CES5A: variants seen among roughly 807,000 people sequenced by gnomAD.
CES5A encodes carboxylesterase 5.
CES5A carries 67 observed loss-of-function variants against 62.9 expected under a neutral mutation model. The ratio of observed to expected loss-of-function variants is 1.07; its 90% CI spans 0.88 to 1.31. CES5A has a LOEUF of 1.31. CES5A is among the 50% of genes most tolerant of loss of function. The probability of loss-of-function intolerance (pLI) is 0.00; values close to 1 mark genes in which losing one functional copy is unlikely to be tolerated. For synonymous variants in CES5A, 296 were observed against 280.8 expected (o/e 1.05, Z -0.54); for missense variants, 748 against 708.5 (o/e 1.06, Z -0.63).
chr16:55,926,317 A>G (rs888755064), upstream of CES5A, among the ~76,000 whole-genome samples: 8 of 152,230 alleles, frequency 5.3e-5, no homozygotes, highest in Admixed American at 5.2e-4. Context: ...TCAACCAATA[A>G]CTATGAAGGG....
intron 2 of CES5A, among the ~76,000 whole-genome samples, chr16:55,938,018 A>G (rs1205155118): frequency 1.3e-5 from 2 of 152,036 alleles, no homozygotes; most frequent in South Asian, 2.1e-4. Flanking sequence ...TTTAAAAATC[A>G]TCTTTTTTTC....
At chr16:55,886,199 T>C (rs1310359106) in intron 1 of CES5A, among the ~76,000 whole-genome samples, 1 of 152,168 alleles carries the variant, frequency 6.6e-6, no homozygotes, top group Non-Finnish European at 1.5e-5. Context: ...GTGTCCAATT[T>C]TAAGCAATAT....
chr16:55,866,676 A>AAAAAAAAAAAAAAAAAAAAAG (rs2033470488), intron 4 of CES5A, among the ~76,000 whole-genome samples: 1 of 138,542 alleles, frequency 7.2e-6, no homozygotes, highest in Non-Finnish European at 1.6e-5. Context: ...AAAAAAAAAA[A>AAAAAAAAAAAAAAAAAAAAAG]AATACAAAAA....
At chr16:55,862,404 T>C (rs1397891679) in intron 6 of CES5A, among the ~76,000 whole-genome samples, 1 of 152,174 alleles carries the variant, frequency 6.6e-6, no homozygotes, top group Non-Finnish European at 1.5e-5. Context: ...ATCCTATCCA[T>C]GGATAGGTGA....
intron 10 of CES5A, among the ~76,000 whole-genome samples, chr16:55,851,145 A>G (rs1469317865): frequency 2.6e-5 from 4 of 152,220 alleles, no homozygotes; most frequent in Non-Finnish European, 5.9e-5. Context: ...ATTCTATTTC[A>G]TCAAAATTAA....
At chr16:55,906,509 C>G (rs72810528) in intron 1 of CES5A, among the ~76,000 whole-genome samples, 11 of 152,152 alleles carry the variant, frequency 7.2e-5, no homozygotes, top group African/African-American at 2.7e-4. Context: ...GAGGAAAAAG[C>G]CTTGAAGCTG....
chr16:55,944,975 C>T (rs989491298), intron 2 of CES5A, among the ~76,000 whole-genome samples: 8 of 152,196 alleles, frequency 5.3e-5, no homozygotes, highest in Non-Finnish European at 1.0e-4. Flanking sequence ...AAATCCGCCT[C>T]TGCTTCTCAC....
At chr16:55,893,011 G>A (rs1333822573) in intron 1 of CES5A, among the ~76,000 whole-genome samples, 11 of 152,242 alleles carry the variant, frequency 7.2e-5, no homozygotes, top group South Asian at 4.1e-4. Flanking sequence ...CTGGCAGGTC[G>A]AAATCCGGAA....
At chr16:55,919,630 A>T (rs915207318) in intron 1 of CES5A, among the ~76,000 whole-genome samples, 6 of 152,210 alleles carry the variant, frequency 3.9e-5, no homozygotes, top group Non-Finnish European at 8.8e-5. Flanking sequence ...TGATGAAACA[A>T]CCTTTGTGAA....
upstream of CES5A, among the ~76,000 whole-genome samples, chr16:55,928,025 C>T (rs184604447): frequency 5.9e-5 from 9 of 152,244 alleles, no homozygotes; most frequent in African/African-American, 9.6e-5. Flanking sequence ...GGATGGATGA[C>T]GAGGTCAGGA....
At chr16:55,878,349 G>A (rs1308881507), upstream of CES5A, among the ~76,000 whole-genome samples, 1 of 151,932 alleles carries the variant, frequency 6.6e-6, no homozygotes, top group Admixed American at 6.6e-5. Context: ...ACAAAGGAGT[G>A]GTGCTCTGGT....
intron 1 of CES5A, among the ~76,000 whole-genome samples, chr16:55,890,378 T>G (rs1449953565): frequency 2.6e-5 from 4 of 152,194 alleles, no homozygotes; most frequent in African/African-American, 9.6e-5. Flanking sequence ...GAATTTTTTT[T>G]TTTTAATTTT....
chr16:55,930,591 A>T (rs967396886), intron 2 of CES5A, among the ~76,000 whole-genome samples: 5 of 152,190 alleles, frequency 3.3e-5, no homozygotes, highest in African/African-American at 9.7e-5. Context: ...CCCTTGCCAG[A>T]TGCAGCCCCT....
At chr16:55,937,041 G>A (rs1190225484) in intron 2 of CES5A, among the ~76,000 whole-genome samples, 5 of 152,162 alleles carry the variant, frequency 3.3e-5, no homozygotes, top group Non-Finnish European at 2.9e-5. Context: ...ATACTATCAC[G>A]AAGAGCAGAG....
exon 1 of CES5A, chr16:55,956,011 T>A (rs2034606739): frequency 9.7e-7 from 1 of 1,028,512 alleles, no homozygotes; most frequent in East Asian, 2.7e-5. Flanking sequence ...AGTTCACCAC[T>A]TTCCTCTACC....
At chr16:55,907,275 T>C (rs72810529) in intron 1 of CES5A, among the ~76,000 whole-genome samples, 22,089 of 151,966 alleles carry the variant, frequency 0.15, 1,726 homozygotes, top group Non-Finnish European at 0.18. Flanking sequence ...TGCAAAGGAG[T>C]CAGCTCCTCA....
At chr16:55,897,228 A>T (rs79297697) in intron 1 of CES5A, among the ~76,000 whole-genome samples, 1,975 of 152,210 alleles carry the variant, frequency 0.013, 50 homozygotes, top group African/African-American at 0.045. Context: ...ACAGAGAACC[A>T]TTCCCTGCTG....
intron 2 of CES5A, among the ~76,000 whole-genome samples, chr16:55,940,692 C>G (rs1439537115): frequency 6.6e-6 from 1 of 151,310 alleles, no homozygotes; most frequent in Non-Finnish European, 1.5e-5. Context: ...GCCTGTATAC[C>G]AAAAACATAC....
chr16:55,944,228 C>G, intron 2 of CES5A: 1 of 635,144 alleles, frequency 1.6e-6, no homozygotes, highest in East Asian at 2.7e-5. Flanking sequence ...TGAACAAGAC[C>G]CCTCTCCTCC....
Sources: gnomAD v4.1 joint callset for allele counts (sites outside exome capture counted in the v4.1 genomes callset) on GRCh38, gnomAD v4.1.1 for gene constraint, MANE v1.5 for transcripts, NCBI Gene and HGNC (gene_info 2026-07-23, HGNC 2026-07-21) for gene names.